The following AK7 variants were observed in gnomAD, a reference collection of about 807,000 sequenced individuals.
AK7 encodes the protein adenylate kinase 7.
A neutral mutation model predicts 96.6 loss-of-function variants in AK7; 78 were observed. The observed-to-expected ratio is 0.81, with a 90% CI of 0.67 to 0.97. The LOEUF (loss-of-function observed/expected upper bound fraction) is 0.97. Ranked by LOEUF, AK7 falls within the 50% of genes least tolerant of loss-of-function variation. The probability of loss-of-function intolerance (pLI) is 0.00; values close to 1 mark genes in which losing one functional copy is unlikely to be tolerated. For synonymous variants in AK7, 302 were observed against 317.2 expected (o/e 0.95, Z 0.51); for missense variants, 855 against 887.9 (o/e 0.96, Z 0.47).
chr14:96,471,974 G>A (rs932195577), intron 13 of AK7, among the ~76,000 whole-genome samples: 3 of 151,838 alleles, frequency 2.0e-5, no homozygotes, highest in South Asian at 2.1e-4. Flanking sequence ...AAAACTTTAC[G>A]CCTGTTGATT....
At chr14:96,476,460 G>A (rs1301165083) in intron 14 of AK7, among the ~76,000 whole-genome samples, 6 of 149,398 alleles carry the variant, frequency 4.0e-5, no homozygotes, top group Non-Finnish European at 7.4e-5. Flanking sequence ...AGCCAAGATC[G>A]CGCCACCGCA....
At chr14:96,421,623 T>G (rs1891698436) in intron 5 of AK7, 1 of 151,620 alleles carries the variant, frequency 6.6e-6, no homozygotes, top group East Asian at 1.9e-4. Flanking sequence ...TTTTTTTTTT[T>G]GAGATGGAGT....
intron 12 of AK7, among the ~76,000 whole-genome samples, chr14:96,459,469 CA>C (rs1180711056): frequency 6.6e-6 from 1 of 151,560 alleles, no homozygotes; most frequent in African/African-American, 2.4e-5. Flanking sequence ...TTGGACAAAC[CA>C]AGAAAAAATA....
intron 4 of AK7, among the ~76,000 whole-genome samples, chr14:96,414,899 C>T (rs1183861832): frequency 6.6e-6 from 1 of 151,598 alleles, no homozygotes; most frequent in Non-Finnish European, 1.5e-5. Flanking sequence ...ACTACAGGCA[C>T]CTGCCGCCAT....
At chr14:96,473,315 C>T (rs1050695008) in intron 14 of AK7, among the ~76,000 whole-genome samples, 2 of 151,470 alleles carry the variant, frequency 1.3e-5, no homozygotes, top group Non-Finnish European at 2.9e-5. Context: ...GGACTACAGG[C>T]GCCTACCACC....
At chr14:96,423,689 G>A in intron 5 of AK7, 3 of 673,828 alleles carry the variant, frequency 4.5e-6, no homozygotes. Context: ...TCGCCGAGCT[G>A]CCCCCTACTT....
Position 96,483,009 on chromosome 14 carries a change from A to G in AK7, c.1764A>G (p.Lys588=). 6.2e-7 allele frequency: 1 copy of G among 1,614,210 alleles called. No individual in the cohort carries two copies. Among genetic ancestry groups the G allele is most frequent in the Non-Finnish European group, 8.5e-7 (1 of 1,180,040 alleles). ...TCCTGGTATTTAAAGATGTAGGAAA[A>G]CTTGAAGATGCTCAGAATAGACTTG... The part of the protein sequence containing the change: ...EIHPIHIDVG[K]LEDAQNRLAI... The change falls in exon 16 of 18, where the codon AAA becomes AAG. Residue 588 remains lysine (K), a synonymous_variant. Coordinates refer to ENST00000267584, the MANE Select transcript of AK7 (RefSeq NM_152327.5).
In AK7 at chr14:96,470,109, C is replaced by T. The variant is rs554613655; in HGVS notation, c.1358-1369C>T. ...CTGAGATTATAGGTGTGAGCCACCG[C>T]GCCCGCCCGGGAGAGGTGTTTTAAT... On this transcript the variant is annotated intron_variant, in intron 12 of 17. Transcript: ENST00000267584. Among the ~76,000 whole-genome samples, 11 of 152,064 alleles carry T rather than the reference C, an allele frequency of 7.2e-5. No individual in the cohort carries two copies. In the East Asian group the frequency reaches 1.7e-3, roughly 24 times the overall value.
chr14:96,478,657 ATATTGG>A lies in AK7; in HGVS notation c.1752_1753+4del. On this transcript the variant is annotated splice_donor_variant and coding_sequence_variant, in exon 15 of 18. Coordinates refer to ENST00000267584, the MANE Select transcript of AK7 (RefSeq NM_152327.5). LOFTEE classifies it high-confidence loss of function. ...GATGAACTTGAAATTCACCCGATAC[ATATTGG>A]TATGAAATGAATTCAAGGATAATGT... is the stretch of plus-strand genomic sequence containing the variant. The A allele has an allele frequency of 1.2e-6, 2 of 1,613,678 alleles. No homozygotes were observed. The highest frequency in any genetic ancestry group is 4.5e-5 in the East Asian group (2 of 44,874).
intron 6 of AK7, among the ~76,000 whole-genome samples, chr14:96,440,266 C>T (rs1892893576): frequency 6.6e-6 from 1 of 152,186 alleles, no homozygotes; most frequent in African/African-American, 2.4e-5. Flanking sequence ...AGCCACCGTG[C>T]CCGGCCTCGA....
chr14:96,425,152 C>T (rs1891948503), intron 5 of AK7, among the ~76,000 whole-genome samples: 1 of 152,012 alleles, frequency 6.6e-6, no homozygotes, highest in South Asian at 2.1e-4. Context: ...GGAGATAGAC[C>T]CTTGAAAATA....
In AK7 at chr14:96,398,323, C is replaced by A. The variant is rs748476629; in HGVS notation, c.294+60C>A. On this transcript the variant is annotated intron_variant, in intron 2 of 17. Transcript: ENST00000267584. ...AGGGAAGAGTCACCTTCCGCTCCAACGCCTTGACAACTTGTTTTACTGTTT... is the reference window on the plus strand; with the variant it reads ...AGGGAAGAGTCACCTTCCGCTCCAAAGCCTTGACAACTTGTTTTACTGTTT... The A allele has an allele frequency of 8.2e-5, 129 of 1,566,770 alleles. No individual in the cohort carries two copies. In the African/African-American group the frequency reaches 1.2e-3, roughly 14 times the overall value.
At chr14:96,416,524 A>T (rs560361066) in intron 4 of AK7, among the ~76,000 whole-genome samples, 2 of 152,182 alleles carry the variant, frequency 1.3e-5, no homozygotes, top group African/African-American at 4.8e-5. Flanking sequence ...CCTCTAAATG[A>T]GCTTAGTAAT....
At chr14:96,404,196 A>G (rs1157291703) in intron 2 of AK7, among the ~76,000 whole-genome samples, 1 of 151,628 alleles carries the variant, frequency 6.6e-6, no homozygotes, top group Non-Finnish European at 1.5e-5. Flanking sequence ...TCAGCAAAGC[A>G]GCAAAGTTAC....
chr14:96,402,204 C>CACAG (rs1472238436), intron 2 of AK7, among the ~76,000 whole-genome samples: 1 of 152,006 alleles, frequency 6.6e-6, no homozygotes, highest in African/African-American at 2.4e-5. Context: ...CACACACACA[C>CACAG]ACACACACAC....
chr14:96,488,375 C>T lies in AK7; in HGVS notation c.*32C>T, dbSNP rs770055477. On this transcript the variant is annotated 3_prime_UTR_variant, in exon 18 of 18. Transcript: ENST00000267584. ...AAAGATCTGGTATTATCTACCTTTA[C>T]AGAACCACAGATCACTTATTATACT... 145 of 1,592,106 alleles carry T rather than the reference C, an allele frequency of 9.1e-5. 1 individual carries two copies. The South Asian group carries it at 1.5e-3, about 17-fold the overall frequency.
chr14:96,425,385 G>T (rs1891962315), intron 5 of AK7, among the ~76,000 whole-genome samples: 1 of 151,754 alleles, frequency 6.6e-6, no homozygotes, highest in Non-Finnish European at 1.5e-5. Flanking sequence ...GTATTTTGAG[G>T]CAAAAGAGGA....
chr14:96,460,638 C>T (rs982775256), intron 12 of AK7, among the ~76,000 whole-genome samples: 3 of 152,160 alleles, frequency 2.0e-5, no homozygotes, highest in African/African-American at 7.2e-5. Context: ...TAGAGGTTGT[C>T]CTCTTCCCAG....
chr14:96,467,330 G>A (rs1476893905), intron 12 of AK7, among the ~76,000 whole-genome samples: 1 of 125,870 alleles, frequency 7.9e-6, no homozygotes, highest in African/African-American at 2.8e-5. Context: ...TTTTGCTGCT[G>A]CTTTTTTTTT....
Sources: gnomAD v4.1 joint callset for allele counts (sites outside exome capture counted in the v4.1 genomes callset) on GRCh38, gnomAD v4.1.1 for gene constraint, MANE v1.5 for transcripts, NCBI Gene and HGNC (gene_info 2026-07-23, HGNC 2026-07-21) for gene names.